The following MAF variants were observed in gnomAD, a reference collection of about 807,000 sequenced individuals.
MAF encodes transcription factor Maf.
MAF carries 10 observed loss-of-function variants against 22.0 expected under a neutral mutation model. The observed-to-expected ratio is 0.45, with a 90% CI of 0.28 to 0.77. MAF has a LOEUF of 0.77. Among genes scored for constraint, MAF ranks in the 30% least tolerant of loss-of-function variants. The pLI is 0.12. For missense variants in MAF, 544 were observed against 548.4 expected (o/e 0.99, Z 0.08); for synonymous variants, 337 against 255.8 (o/e 1.32, Z -3.03).
the MAF span, among the ~76,000 whole-genome samples, chr16:79,239,896 G>A: frequency 6.6e-6 from 1 of 152,060 alleles, no homozygotes; most frequent in African/African-American, 2.4e-5. Flanking sequence ...AAGCCTTGAA[G>A]AAAGATGATT....
chr16:79,387,706 TCTAA>T, the MAF span, among the ~76,000 whole-genome samples: 1 of 152,226 alleles, frequency 6.6e-6, no homozygotes. Context: ...AAACTATAGT[TCTAA>T]TGTTTATATT....
the MAF span, among the ~76,000 whole-genome samples, chr16:79,236,956 A>AAC: frequency 5.3e-5 from 8 of 151,638 alleles, no homozygotes; most frequent in East Asian, 1.6e-3. Context: ...AAAAAAAAAA[A>AAC]AAACTCAAAT....
At chr16:79,222,943 A>C in the MAF span, among the ~76,000 whole-genome samples, 1 of 152,224 alleles carries the variant, frequency 6.6e-6, no homozygotes, top group South Asian at 2.1e-4. Flanking sequence ...CTCCACTGTC[A>C]ATATTAGACA....
chr16:79,323,623 G>C, the MAF span, among the ~76,000 whole-genome samples: 5 of 152,166 alleles, frequency 3.3e-5, no homozygotes, highest in Non-Finnish European at 7.3e-5. Flanking sequence ...TCTGGTGATG[G>C]GACCGTACCT....
chr16:79,214,500 G>T, the MAF span, among the ~76,000 whole-genome samples: 49 of 152,118 alleles, frequency 3.2e-4, 1 homozygote, highest in African/African-American at 1.1e-3. Flanking sequence ...CCACCTCCCA[G>T]GTTCACGCGA....
At chr16:79,217,038 G>A in the MAF span, among the ~76,000 whole-genome samples, 27 of 152,300 alleles carry the variant, frequency 1.8e-4, no homozygotes, top group African/African-American at 5.8e-4. Context: ...TCGAACTCCT[G>A]CCCTAAAGTG....
At chr16:79,347,789 C>T in the MAF span, among the ~76,000 whole-genome samples, 75,260 of 151,816 alleles carry the variant, frequency 0.5, 19,029 homozygotes, top group African/African-American at 0.53. Flanking sequence ...TCTTAGGTAC[C>T]AAGTCACCGG....
chr16:79,484,478 TGA>T, the MAF span, among the ~76,000 whole-genome samples: 1 of 152,222 alleles, frequency 6.6e-6, no homozygotes, highest in Non-Finnish European at 1.5e-5. Flanking sequence ...ATCACAGGGC[TGA>T]GTCCTTACCA....
the MAF span, among the ~76,000 whole-genome samples, chr16:79,525,300 C>T: frequency 1.3e-5 from 2 of 152,260 alleles, no homozygotes; most frequent in East Asian, 3.9e-4. Flanking sequence ...AAGTGATAGT[C>T]CAGAGACCTT....
the MAF span, among the ~76,000 whole-genome samples, chr16:79,397,773 C>A: frequency 3.3e-5 from 5 of 152,218 alleles, no homozygotes; most frequent in East Asian, 1.9e-4. Context: ...GTAGAGCCCC[C>A]CTCCCCGGTG....
At chr16:79,530,061 A>G in the MAF span, among the ~76,000 whole-genome samples, 2 of 152,244 alleles carry the variant, frequency 1.3e-5, no homozygotes, top group South Asian at 4.1e-4. Context: ...TCAAAGAGAC[A>G]GAACAAATAT....
the MAF span, among the ~76,000 whole-genome samples, chr16:79,402,937 T>A: frequency 6.6e-6 from 1 of 152,112 alleles, no homozygotes; most frequent in Non-Finnish European, 1.5e-5. Flanking sequence ...ATGTGGAGGT[T>A]GTGGAGCCTT....
the MAF span, among the ~76,000 whole-genome samples, chr16:79,535,334 G>C: frequency 6.6e-6 from 1 of 151,472 alleles, no homozygotes; most frequent in Non-Finnish European, 1.5e-5. Flanking sequence ...TTCCAGAGCA[G>C]GGGAAGAGAC....
At chr16:79,375,490 A>T in the MAF span, among the ~76,000 whole-genome samples, 2 of 152,198 alleles carry the variant, frequency 1.3e-5, no homozygotes, top group Admixed American at 1.3e-4. Flanking sequence ...GATGATGAAG[A>T]TAATGATGGT....
chr16:79,446,071 AG>A, the MAF span, among the ~76,000 whole-genome samples: 1 of 150,978 alleles, frequency 6.6e-6, no homozygotes, highest in African/African-American at 2.4e-5. Context: ...AGAGACAGAG[AG>A]AAAAAAAAGA....
chr16:79,564,481 T>C, the MAF span, among the ~76,000 whole-genome samples: 1 of 152,178 alleles, frequency 6.6e-6, no homozygotes, highest in African/African-American at 2.4e-5. Flanking sequence ...TTAGAAATAA[T>C]ACATCTTTGA....
chr16:79,342,184 G>T, the MAF span, among the ~76,000 whole-genome samples: 2 of 152,154 alleles, frequency 1.3e-5, no homozygotes, highest in African/African-American at 4.8e-5. Flanking sequence ...TGGCACACCC[G>T]GGGTCCCAAT....
At chr16:79,395,521 G>A in the MAF span, among the ~76,000 whole-genome samples, 99 of 152,294 alleles carry the variant, frequency 6.5e-4, no homozygotes, top group Non-Finnish European at 1.2e-3. Context: ...TAAGGAGACT[G>A]TGGAAGACAC....
At chr16:79,560,644 T>G in the MAF span, among the ~76,000 whole-genome samples, 1 of 152,112 alleles carries the variant, frequency 6.6e-6, no homozygotes, top group Non-Finnish European at 1.5e-5. Context: ...AGATACTCAC[T>G]GTCATGAAAA....
Sources: allele counts gnomAD v4.1 joint callset (sites outside exome capture counted in the v4.1 genomes callset), GRCh38; gene constraint gnomAD v4.1.1; transcripts MANE v1.5; gene names NCBI Gene and HGNC (gene_info 2026-07-23, HGNC 2026-07-21).